The following TYR variants were observed in gnomAD, a reference collection of about 807,000 sequenced individuals.
TYR encodes the protein tyrosinase, also known as LB24-AB.
In TYR, 58 loss-of-function variants were observed where a neutral mutation model predicts 51.5. That is an observed-to-expected ratio of 1.13 (90% CI 0.91 to 1.40). The LOEUF (loss-of-function observed/expected upper bound fraction) is 1.40, where lower values mean the gene tolerates loss of function less well. Ranked by LOEUF, TYR falls within the 40% of genes most tolerant of loss-of-function variation. The pLI, the probability that TYR is intolerant of heterozygous loss-of-function variation, is 0.00. For synonymous variants in TYR, 263 were observed against 235.2 expected (o/e 1.12, Z -1.08); for missense variants, 732 against 647.4 (o/e 1.13, Z -1.42).
rs563586978 is a variant in TYR at position 89,226,013 on chromosome 11, A to C, written c.1037-1810A>C. ...TACCAATGAAAAATATAAAACTTTA[A>C]AAATTCTTTTAAATTAAAAAAATCA... On this transcript the variant is annotated intron_variant, in intron 2 of 4. Coordinates refer to ENST00000263321, the MANE Select transcript of TYR (RefSeq NM_000372.5). 3.9e-5 allele frequency among the ~76,000 whole-genome samples: 6 copies of C among 152,106 alleles called. No individual in the cohort carries two copies. In the South Asian group the frequency reaches 6.2e-4, roughly 16 times the overall value.
At chr11:89,270,782 A>G (rs1163719554) in intron 3 of TYR, among the ~76,000 whole-genome samples, 1 of 151,926 alleles carries the variant, frequency 6.6e-6, no homozygotes, top group Non-Finnish European at 1.5e-5. Context: ...TATTTTATAT[A>G]TGATTTATGA....
intron 4 of TYR, among the ~76,000 whole-genome samples, chr11:89,294,804 C>A (rs1288811027): frequency 7.2e-5 from 11 of 152,122 alleles, no homozygotes. Context: ...TATTGATAAT[C>A]GGAATAGTTA....
chr11:89,295,051 G>C, intron 4 of TYR, 92 bp from the exon 5 acceptor site: 1 of 1,565,124 alleles, frequency 6.4e-7, no homozygotes. Context: ...AAACCCAGGT[G>C]TCTACTCCAA....
chr11:89,288,134 T>C (rs1944813715), intron 4 of TYR, among the ~76,000 whole-genome samples: 1 of 151,876 alleles, frequency 6.6e-6, no homozygotes, highest in African/African-American at 2.4e-5. Flanking sequence ...AGAAGTTGGA[T>C]ACACAGCCTG....
At chr11:89,220,469 A>G (rs1442954605) in intron 2 of TYR, among the ~76,000 whole-genome samples, 1 of 152,220 alleles carries the variant, frequency 6.6e-6, no homozygotes, top group Non-Finnish European at 1.5e-5. Context: ...ACATTTCAAC[A>G]TGACATTTGG....
At chr11:89,212,660 C>G (rs1943775480) in intron 2 of TYR, among the ~76,000 whole-genome samples, 1 of 152,078 alleles carries the variant, frequency 6.6e-6, no homozygotes, top group Non-Finnish European at 1.5e-5. Context: ...GGCCAATATC[C>G]CTGATGAACA....
chr11:89,257,964 A>G lies in TYR; in HGVS notation c.1185-26809A>G, dbSNP rs1342041524. 2.0e-5 allele frequency among the ~76,000 whole-genome samples: 3 copies of G among 152,060 alleles called. No individual in the cohort carries two copies. In the East Asian group the frequency reaches 5.8e-4, roughly 29 times the overall value. On this transcript the variant is annotated intron_variant, in intron 3 of 4. Coordinates refer to ENST00000263321, the MANE Select transcript of TYR (RefSeq NM_000372.5). ...TACTATGTAGCAACACCCCAAAAGTATCTTGAGAATATGGATTTTTTTAAA... is the reference window on the plus strand; with the variant it reads ...TACTATGTAGCAACACCCCAAAAGTGTCTTGAGAATATGGATTTTTTTAAA...
intron 3 of TYR, among the ~76,000 whole-genome samples, chr11:89,260,557 G>A (rs1944445390): frequency 1.3e-5 from 2 of 152,018 alleles, no homozygotes; most frequent in Admixed American, 1.3e-4. Context: ...CCATGCTAAA[G>A]GAAGCAGTTC....
chr11:89,256,684 TGG>T (rs1367954714), intron 3 of TYR, among the ~76,000 whole-genome samples: 1 of 151,872 alleles, frequency 6.6e-6, no homozygotes, highest in Non-Finnish European at 1.5e-5. Context: ...CTCCTAGGAC[TGG>T]GTAAAAATAA....
chr11:89,242,321 C>T (rs1204318956), intron 3 of TYR, among the ~76,000 whole-genome samples: 5 of 152,116 alleles, frequency 3.3e-5, no homozygotes, highest in Non-Finnish European at 7.4e-5. Context: ...GATTCTTCTT[C>T]CCCAGCCTCC....
At chr11:89,219,152 A>T (rs1943874224) in intron 2 of TYR, among the ~76,000 whole-genome samples, 1 of 152,128 alleles carries the variant, frequency 6.6e-6, no homozygotes, top group Non-Finnish European at 1.5e-5. Flanking sequence ...ACACACTGTA[A>T]TTTTCTAGCC....
intron 2 of TYR, among the ~76,000 whole-genome samples, chr11:89,211,383 A>G (rs1350955069): frequency 6.6e-6 from 1 of 152,234 alleles, no homozygotes; most frequent in Non-Finnish European, 1.5e-5. Flanking sequence ...AATGGGATCA[A>G]TTCAACAAGA....
intron 3 of TYR, among the ~76,000 whole-genome samples, chr11:89,247,093 G>A (rs911186581): frequency 1.3e-5 from 2 of 152,102 alleles, no homozygotes; most frequent in African/African-American, 4.8e-5. Context: ...ACAAAGAGCG[G>A]TTATACCATT....
intron 3 of TYR, among the ~76,000 whole-genome samples, chr11:89,240,699 TTTTC>T (rs1223023773): frequency 1.3e-5 from 2 of 152,100 alleles, no homozygotes; most frequent in Admixed American, 1.3e-4. Context: ...AAATCTCTAA[TTTTC>T]TTTCTGGACT....
intron 3 of TYR, among the ~76,000 whole-genome samples, chr11:89,277,242 A>G (rs1292694451): frequency 6.6e-6 from 1 of 151,764 alleles, no homozygotes; most frequent in Non-Finnish European, 1.5e-5. Flanking sequence ...AAAAAAATAA[A>G]TAATAATAAA....
intron 2 of TYR, among the ~76,000 whole-genome samples, chr11:89,206,018 A>G (rs1163732906): frequency 6.6e-6 from 1 of 152,172 alleles, no homozygotes; most frequent in East Asian, 1.9e-4. Context: ...AAGTGATACA[A>G]AGAAATACAT....
chr11:89,255,050 G>A (rs980787367), intron 3 of TYR, among the ~76,000 whole-genome samples: 13 of 151,536 alleles, frequency 8.6e-5, no homozygotes, highest in African/African-American at 1.9e-4. Flanking sequence ...TTAAATTTCC[G>A]TCTTCATTTC....
In TYR at chr11:89,295,191, G is replaced by T. The variant is rs750857562; in HGVS notation, c.1415G>T (p.Ser472Ile). The T allele has an allele frequency of 6.2e-7, 1 of 1,614,000 alleles. No homozygotes were observed. The highest frequency in any genetic ancestry group is 8.5e-7 in the Non-Finnish European group (1 of 1,179,880). The change falls in exon 5 of 5, where the codon AGT (serine) becomes ATT (isoleucine). Residue 472 changes from serine (S) to isoleucine (I), a missense_variant. Coordinates refer to ENST00000263321, the MANE Select transcript of TYR (RefSeq NM_000372.5). ...ATTAAGTCCTATTTGGAACAAGCGA[G>T]TCGGATCTGGTCATGGCTCCTTGGG... ...DYIKSYLEQASRIWSWLLGAA... is the reference protein window; with the variant it reads ...DYIKSYLEQAIRIWSWLLGAA...
At chr11:89,209,624 G>C (rs191261751) in intron 2 of TYR, among the ~76,000 whole-genome samples, 2 of 152,186 alleles carry the variant, frequency 1.3e-5, no homozygotes, top group African/African-American at 4.8e-5. Context: ...GGAGCACAGC[G>C]TTCGAGCTCC....
Sources: allele counts gnomAD v4.1 joint callset (sites outside exome capture counted in the v4.1 genomes callset), GRCh38; gene constraint gnomAD v4.1.1; transcripts MANE v1.5; gene names NCBI Gene and HGNC (gene_info 2026-07-23, HGNC 2026-07-21).